The following PTCD1 variants were observed in gnomAD, a reference collection of about 807,000 sequenced individuals.
PTCD1 encodes pentatricopeptide repeat-containing protein 1, mitochondrial.
PTCD1 carries 50 observed loss-of-function variants against 53.4 expected under a neutral mutation model. The observed-to-expected ratio is 0.94, with a 90% CI of 0.75 to 1.19. The LOEUF (loss-of-function observed/expected upper bound fraction) is 1.19, where lower values mean the gene tolerates loss of function less well. PTCD1 is among the 50% of genes most tolerant of loss of function. The probability of loss-of-function intolerance (pLI) is 0.00; values close to 1 mark genes in which losing one functional copy is unlikely to be tolerated. For missense variants in PTCD1, 918 were observed against 904.8 expected (o/e 1.01, Z -0.19); for synonymous variants, 413 against 394.8 (o/e 1.05, Z -0.55).
rs79057064 is a variant in PTCD1, at chr7:99,434,748, G to A, written c.453+42C>T. 17 of 1,612,020 alleles carry A rather than the reference G, an allele frequency of 1.1e-5. No individual in the cohort carries two copies. In the South Asian group the frequency reaches 1.4e-4, roughly 14 times the overall value. On this transcript the variant is annotated intron_variant, in intron 2 of 7. Transcript: ENST00000292478. ...CCCTTGCAAAACACTGAGCCACCAG[G>A]GGAAAGAAGCCAGGAGCCACAGAAC...
chr7:99,431,423 T>A (rs1219720493), intron 3 of PTCD1, among the ~76,000 whole-genome samples: 1 of 151,440 alleles, frequency 6.6e-6, no homozygotes, highest in Non-Finnish European at 1.5e-5. Context: ...CCACCGCACC[T>A]GGCCAAAAAT....
Position 99,433,339 on chromosome 7 carries a change from A to C in PTCD1, c.533T>G (p.Val178Gly), listed in dbSNP as rs1401242070. Residue 178 changes from valine to glycine, a missense_variant, in exon 3 of 8, where the codon GTG becomes GGG. Physicochemically the swap from Val to Gly is moderately radical, Grantham distance 109. Coordinates refer to ENST00000292478, the MANE Select transcript of PTCD1 (RefSeq NM_015545.4). ...AACCCGCCCGCAGCCCCCAATCAGC[A>C]CCGTGTAGTTGCTCTCCATGGGCTG... ...RLQPMESNYT[V>G]LIGGCGRVGY... The C allele has an allele frequency of 6.2e-6, 10 of 1,614,008 alleles. No homozygotes were observed. In the African/African-American group the frequency reaches 8.0e-5, roughly 13 times the overall value.
intron 5 of PTCD1, among the ~76,000 whole-genome samples, chr7:99,426,910 G>A (rs1413102594): frequency 4.1e-5 from 6 of 145,898 alleles, no homozygotes; most frequent in East Asian, 2.1e-4. Flanking sequence ...CGGCCGCCCC[G>A]TCTGAGAAAT....
intron 4 of PTCD1, 96 bp downstream of exon 4, chr7:99,429,492 G>A (rs1796178155): frequency 1.9e-6 from 3 of 1,569,124 alleles, no homozygotes; most frequent in African/African-American, 1.4e-5. Context: ...TCCTCCCTAA[G>A]CCTTCCTACA....
chr7:99,428,738 AAATGAATG>A (rs538287771), intron 5 of PTCD1, among the ~76,000 whole-genome samples: 2 of 152,082 alleles, frequency 1.3e-5, no homozygotes, highest in African/African-American at 4.8e-5. Context: ...ATCTCAAAAT[AAATGAATG>A]AATGAATGAA....
intron 2 of PTCD1, 29 bp from the exon 3 acceptor site, chr7:99,433,447 C>T: frequency 1.2e-6 from 2 of 1,613,910 alleles, no homozygotes; most frequent in Non-Finnish European, 1.7e-6. Context: ...AGGGCAGGGG[C>T]TCAGAATGGC....
intron 1 of PTCD1, among the ~76,000 whole-genome samples, chr7:99,436,576 T>A (rs886501462): frequency 1.3e-5 from 2 of 151,794 alleles, no homozygotes; most frequent in African/African-American, 4.8e-5. Context: ...GATCGCGCCA[T>A]TGCACTCCAG....
At chr7:99,433,539 T>A (rs1401085646) in intron 2 of PTCD1, 121 bp from the exon 3 acceptor site, 1 of 1,575,396 alleles carries the variant, frequency 6.3e-7, no homozygotes, top group African/African-American at 1.3e-5. Flanking sequence ...CCTGGGTGAC[T>A]GCAAACCCCC....
intron 7 of PTCD1, among the ~76,000 whole-genome samples, chr7:99,421,057 G>A (rs549476059): frequency 5.9e-5 from 9 of 152,254 alleles, no homozygotes; most frequent in African/African-American, 1.2e-4. Context: ...ACAGAATCAC[G>A]AATATAAACA....
rs1296789203 is a variant in PTCD1 at position 99,434,869 on chromosome 7, T to A, written c.374A>T (p.Glu125Val). 3 of 1,614,214 alleles carry A rather than the reference T, an allele frequency of 1.9e-6. No homozygotes were observed. The highest frequency in any genetic ancestry group is 2.5e-6 in the Non-Finnish European group (3 of 1,180,038). The change falls in exon 2 of 8, where the codon GAG (glutamate) becomes GTG (valine). Residue 125 changes from glutamate (E) to valine (V), a missense_variant. Transcript: ENST00000292478. Reference protein sequence around the residue: ...GERRDEQMEPEPKLWRGRRNT... With the variant: ...GERRDEQMEPVPKLWRGRRNT... ...TCTCCGGCCTCGCCATAATTTGGGC[T>A]CCGGTTCCATTTGCTCATCTCTCCG...
chr7:99,432,269 C>T (rs1374793431), intron 3 of PTCD1, among the ~76,000 whole-genome samples: 2 of 152,190 alleles, frequency 1.3e-5, no homozygotes, highest in Non-Finnish European at 2.9e-5. Context: ...GTCTCCTGCT[C>T]GTCCCTGGGA....
chr7:99,438,461 C>A (rs1037303108), intron 1 of PTCD1: 21 of 1,042,234 alleles, frequency 2.0e-5, no homozygotes, highest in Admixed American at 1.7e-4. Context: ...CGAGAAAAAA[C>A]CCTGAATTAG....
chr7:99,435,166 G>A lies in PTCD1; in HGVS notation c.77C>T (p.Pro26Leu), dbSNP rs146783728. 1.9e-6 allele frequency: 3 copies of A among 1,603,250 alleles called. No individual in the cohort carries two copies. The highest frequency in any genetic ancestry group is 2.5e-6 in the Non-Finnish European group (3 of 1,177,358). Residue 26 changes from proline (P) to leucine (L), a missense_variant, in exon 2 of 8, where the codon CCC (proline) becomes CTC (leucine). By Grantham distance (98) the Pro-to-Leu change is moderately conservative. Coordinates refer to ENST00000292478, the MANE Select transcript of PTCD1 (RefSeq NM_015545.4). ...GCCTCCTGCCCACCTGGCTCTACAG[G>A]GGTCCAGGTGTTGCAGGATGAACAG... ...MGLFILQHLDPCRARWAGGRE... is the reference protein window; with the variant it reads ...MGLFILQHLDLCRARWAGGRE...
chr7:99,416,895 A>G lies in PTCD1; in HGVS notation c.*3072T>C, dbSNP rs1795507658. 1 of 161,976 alleles carries G rather than the reference A, an allele frequency of 6.2e-6. No individual in the cohort carries two copies. Among genetic ancestry groups the G allele is most frequent in the South Asian group, 1.6e-4 (1 of 6,374 alleles). 10.0% of individuals were successfully genotyped at this position (161,976 alleles called of 1,614,324 possible). On this transcript the variant is annotated 3_prime_UTR_variant, in exon 8 of 8. Transcript: ENST00000292478. ...ACCACCACACCCAGCTAATTTTTAA[A>G]TTTTTTGTGGAGATGGGCCCTTGGC...
In PTCD1 at chr7:99,420,755, G is replaced by A. The variant is rs148101363; in HGVS notation, c.1921-606C>T. Among the ~76,000 whole-genome samples, 703 of 152,198 alleles carry A rather than the reference G, an allele frequency of 4.6e-3. 3 individuals are homozygous for A. The highest frequency in any genetic ancestry group is 7.0e-3 in the Non-Finnish European group (479 of 68,004). ...GCAGATCACTTGAGGTCAGGAGTTCGAGACCAGCCTGGCCAGCATGGTGAA... is the reference window on the plus strand; with the variant it reads ...GCAGATCACTTGAGGTCAGGAGTTCAAGACCAGCCTGGCCAGCATGGTGAA... On this transcript the variant is annotated intron_variant, in intron 7 of 7. Coordinates refer to ENST00000292478, the MANE Select transcript of PTCD1 (RefSeq NM_015545.4).
At chr7:99,426,796 G>A (rs1247410744) in intron 5 of PTCD1, among the ~76,000 whole-genome samples, 3 of 143,850 alleles carry the variant, frequency 2.1e-5, no homozygotes, top group Non-Finnish European at 4.5e-5. Flanking sequence ...GCCGCCCATC[G>A]TCTGAGATGT....
rs1795918486 is a variant in PTCD1 at position 99,423,809 on chromosome 7, T to A, written c.1886A>T (p.Glu629Val). The A allele has an allele frequency of 1.2e-6, 2 of 1,613,984 alleles. No individual in the cohort carries two copies. Among genetic ancestry groups the A allele is most frequent in the Non-Finnish European group, 1.7e-6 (2 of 1,180,020 alleles). ...GGTGGGAGGGTACTGGGCTGCAAAC[T>A]CCAGCTGGCGGATGACCACTTCGTT... The part of the protein sequence containing the change: ...PVNEVVIRQL[E>V]FAAQYPPTFD... The change falls in exon 7 of 8, where the codon GAG becomes GTG. Residue 629 changes from glutamate to valine, a missense_variant. Transcript: ENST00000292478.
At chr7:99,431,216 A>T (rs1311705290) in intron 3 of PTCD1, among the ~76,000 whole-genome samples, 1 of 151,636 alleles carries the variant, frequency 6.6e-6, no homozygotes, top group Non-Finnish European at 1.5e-5. Flanking sequence ...ACCTCCCTCC[A>T]CTTCCTGGGT....
At chr7:99,437,390 C>T (rs541021524) in intron 1 of PTCD1, among the ~76,000 whole-genome samples, 4 of 151,844 alleles carry the variant, frequency 2.6e-5, no homozygotes, top group Admixed American at 6.6e-5. Flanking sequence ...CTGCAATTTC[C>T]GCCTCCCGGA....
Sources: gnomAD v4.1 joint callset for allele counts (sites outside exome capture counted in the v4.1 genomes callset) on GRCh38, gnomAD v4.1.1 for gene constraint, MANE v1.5 for transcripts, NCBI Gene and HGNC (gene_info 2026-07-23, HGNC 2026-07-21) for gene names.